The following B3GALT1 variants were observed in gnomAD, a reference collection of about 807,000 sequenced individuals.
B3GALT1 encodes the protein beta-1,3-galactosyltransferase 1.
A neutral mutation model predicts 23.2 loss-of-function variants in B3GALT1; 10 were observed. That is an observed-to-expected ratio of 0.43 (90% confidence interval 0.27 to 0.73). The LOEUF is 0.73. Among genes scored for constraint, B3GALT1 ranks in the 30% least tolerant of loss-of-function variants. The probability of loss-of-function intolerance (pLI) is 0.21; values close to 1 mark genes in which losing one functional copy is unlikely to be tolerated. For synonymous variants in B3GALT1, 156 were observed against 141.5 expected (o/e 1.10, Z -0.73); for missense variants, 299 against 405.4 (o/e 0.74, Z 2.25).
chr2:167,765,307 C>T (rs1687960489), intron 3 of B3GALT1, among the ~76,000 whole-genome samples: 1 of 152,042 alleles, frequency 6.6e-6, no homozygotes, highest in African/African-American at 2.4e-5. Context: ...AACAACAATC[C>T]ACAAAATCAG....
rs113702111 is a variant in B3GALT1, at chr2:167,349,598, T to C, written c.-511+56264T>C. ...TGTAGAAGGAAAAAGAAACTTATGC[T>C]AATTTTACTGTTGGACCTCAGACTG... On this transcript the variant is annotated intron_variant, in intron 1 of 4. Transcript: ENST00000392690. Among the ~76,000 whole-genome samples the C allele has an allele frequency of 1.1e-4, 17 of 152,302 alleles. 1 individual carries two copies. Among genetic ancestry groups the C allele is most frequent in the East Asian group, 5.8e-4 (3 of 5,188 alleles).
At chr2:167,664,965 G>C (rs1380864910) in intron 3 of B3GALT1, among the ~76,000 whole-genome samples, 1 of 150,388 alleles carries the variant, frequency 6.6e-6, no homozygotes, top group South Asian at 2.1e-4. Context: ...TCCTTCTCCT[G>C]CCTAATTGCC....
At chr2:167,412,446 C>G (rs1698406963) in intron 1 of B3GALT1, among the ~76,000 whole-genome samples, 1 of 151,964 alleles carries the variant, frequency 6.6e-6, no homozygotes, top group African/African-American at 2.4e-5. Context: ...GAGCAAAAGT[C>G]TGGAACAAGC....
chr2:167,843,478 C>G (rs1689691455), intron 4 of B3GALT1, among the ~76,000 whole-genome samples: 1 of 152,132 alleles, frequency 6.6e-6, no homozygotes, highest in Non-Finnish European at 1.5e-5. Context: ...ATTGGCTAAT[C>G]AGACAGACTG....
At chr2:167,349,762 A>T (rs1335235739) in intron 1 of B3GALT1, among the ~76,000 whole-genome samples, 1 of 152,172 alleles carries the variant, frequency 6.6e-6, no homozygotes, top group Non-Finnish European at 1.5e-5. Context: ...GCAGACATCC[A>T]CTGGGGGTCT....
intron 2 of B3GALT1, among the ~76,000 whole-genome samples, chr2:167,584,785 G>A (rs1353183994): frequency 6.6e-6 from 1 of 152,146 alleles, no homozygotes; most frequent in Non-Finnish European, 1.5e-5. Flanking sequence ...GGGATGCATA[G>A]GGCAAGGCAT....
chr2:167,305,344 T>C (rs2105482404), intron 1 of B3GALT1, among the ~76,000 whole-genome samples: 1 of 152,296 alleles, frequency 6.6e-6, no homozygotes, highest in African/African-American at 2.4e-5. Context: ...CTCCATCATA[T>C]TACCTTTGTT....
chr2:167,402,241 A>G (rs969590315), intron 1 of B3GALT1, among the ~76,000 whole-genome samples: 4 of 152,122 alleles, frequency 2.6e-5, no homozygotes, highest in Non-Finnish European at 5.9e-5. Context: ...TGAATAGTGG[A>G]AAGTCATCAA....
intron 3 of B3GALT1, among the ~76,000 whole-genome samples, chr2:167,652,828 A>G (rs1395877273): frequency 6.6e-6 from 1 of 152,174 alleles, no homozygotes; most frequent in South Asian, 2.1e-4. Flanking sequence ...AATATTTAAC[A>G]TTCTGTATGT....
intron 1 of B3GALT1, among the ~76,000 whole-genome samples, chr2:167,325,697 GTTTTCTTTTTTTTTT>G (rs1344817843): frequency 1.1e-4 from 12 of 106,976 alleles, no homozygotes; most frequent in Non-Finnish European, 1.8e-4. Flanking sequence ...TCTCCACCCT[GTTTTCTTTTTTTTTT>G]TTTTTTTTTT....
At chr2:167,695,623 T>G (rs903233451) in intron 3 of B3GALT1, among the ~76,000 whole-genome samples, 1 of 152,200 alleles carries the variant, frequency 6.6e-6, no homozygotes, top group African/African-American at 2.4e-5. Context: ...ACAATTATTT[T>G]TATTACTGCT....
rs550121872 is a variant in B3GALT1, at chr2:167,494,937, C to T, written c.-410+4660C>T. On this transcript the variant is annotated intron_variant, in intron 2 of 4. Coordinates refer to ENST00000392690, the MANE Select transcript of B3GALT1 (RefSeq NM_020981.4). ...ATTTCTTTAAATGTTGTACCATTGG[C>T]TTTACTGATAAGGGAAAGATGACAA... is the stretch of plus-strand genomic sequence containing the variant. 4.0e-3 allele frequency among the ~76,000 whole-genome samples: 615 copies of T among 152,198 alleles called. 3 individuals carry two copies. The highest frequency in any genetic ancestry group is 6.7e-3 in the Non-Finnish European group (459 of 68,014).
Position 167,869,162 on chromosome 2 carries a change from A to G in B3GALT1, c.123A>G (p.Leu41=). The G allele has an allele frequency of 6.2e-7, 1 of 1,614,166 alleles. No homozygotes were observed. Among genetic ancestry groups the G allele is most frequent in the East Asian group, 2.2e-5 (1 of 44,890 alleles). Residue 41 remains leucine (L), a synonymous_variant, in exon 5 of 5, where the codon CTA becomes CTG. Coordinates refer to ENST00000392690, the MANE Select transcript of B3GALT1 (RefSeq NM_020981.4). This position sits in a 1 kb window ranked among gnomAD's most constrained non-coding sequence, Gnocchi z 6.4. The stretch of plus-strand genomic sequence containing the variant: ...CTGGCTCCAAACCATTCAGCCACCT[A>G]ACAGTTGCCAGGAAAAACTTCACCT... ...SYTGSKPFSH[L]TVARKNFTFG...
chr2:167,625,942 C>CATATATATGTATAT (rs1685333354), intron 2 of B3GALT1, among the ~76,000 whole-genome samples: 1 of 118,412 alleles, frequency 8.4e-6, no homozygotes, highest in Non-Finnish European at 1.6e-5. Flanking sequence ...ATGACTAGGC[C>CATATATATGTATAT]ATATATATAT....
intron 3 of B3GALT1, among the ~76,000 whole-genome samples, chr2:167,797,597 A>G (rs572041753): frequency 1.3e-5 from 2 of 152,354 alleles, no homozygotes; most frequent in African/African-American, 2.4e-5. Flanking sequence ...TCCCACCAAC[A>G]GTGTAAAAGT....
chr2:167,473,005 G>T (rs1317734046), intron 1 of B3GALT1, among the ~76,000 whole-genome samples: 9 of 151,898 alleles, frequency 5.9e-5, no homozygotes, highest in African/African-American at 2.2e-4. Context: ...CCTGAATTTG[G>T]GTACTTAATT....
At chr2:167,548,714 G>GTGTGTGTGTGTA (rs1683693389) in intron 2 of B3GALT1, among the ~76,000 whole-genome samples, 1 of 151,074 alleles carries the variant, frequency 6.6e-6, no homozygotes, top group South Asian at 2.1e-4. Context: ...GTGTGTGTGT[G>GTGTGTGTGTGTA]TGTATGTGTG....
At chr2:167,330,693 T>C (rs999977635) in intron 1 of B3GALT1, among the ~76,000 whole-genome samples, 4 of 152,250 alleles carry the variant, frequency 2.6e-5, no homozygotes, top group African/African-American at 9.6e-5. Flanking sequence ...TGTATCTTTT[T>C]ATGATATCAA....
intron 3 of B3GALT1, among the ~76,000 whole-genome samples, chr2:167,713,155 C>G (rs1408195451): frequency 2.0e-5 from 3 of 152,184 alleles, no homozygotes; most frequent in Non-Finnish European, 4.4e-5. Flanking sequence ...TTTACGAACT[C>G]TTGTGCCCAT....
Sources: allele counts gnomAD v4.1 joint callset (sites outside exome capture counted in the v4.1 genomes callset), GRCh38; gene constraint gnomAD v4.1.1; non-coding constraint Gnocchi (gnomAD v3.1); transcripts MANE v1.5; gene names NCBI Gene and HGNC (gene_info 2026-07-23, HGNC 2026-07-21).